The following DAAM1 variants were observed in gnomAD, a reference collection of about 807,000 sequenced individuals.
DAAM1 encodes disheveled-associated activator of morphogenesis 1.
Under a neutral mutation model 130.0 loss-of-function variants are expected in DAAM1, and 52 were observed. The ratio of observed to expected loss-of-function variants is 0.40; its 90% confidence interval spans 0.32 to 0.50. The LOEUF (loss-of-function observed/expected upper bound fraction) is 0.50. Ranked by LOEUF, DAAM1 falls within the 20% of genes least tolerant of loss-of-function variation. The pLI is 0.61. For synonymous variants in DAAM1, 452 were observed against 444.5 expected (o/e 1.02, Z -0.21); for missense variants, 1,134 against 1,303.8 (o/e 0.87, Z 2.01).
chr14:59,222,218 G>C (rs1039234385), intron 1 of DAAM1, among the ~76,000 whole-genome samples: 4 of 152,190 alleles, frequency 2.6e-5, no homozygotes, highest in African/African-American at 9.7e-5. Context: ...TTTGTGGTCT[G>C]TGAAGTGAGT....
Position 59,331,480 on chromosome 14 carries a change from A to C in DAAM1, c.1832A>C (p.Lys611Thr). The change falls in exon 14 of 25, where the codon AAA becomes ACA. Residue 611 changes from lysine to threonine, a missense_variant. By Grantham distance (78) the Lys-to-Thr change is moderately conservative. Coordinates refer to ENST00000360909, the MANE Select transcript of DAAM1 (RefSeq NM_001270520.2). ...ATTCCTCAGCCCACAAATGCCCTGA[A>C]ATCCTTCAACTGGTCTAAACTGCCC... ...KSIPQPTNAL[K>T]SFNWSKLPEN... The C allele has an allele frequency of 1.9e-6, 3 of 1,610,500 alleles. No homozygotes were observed. The highest frequency in any genetic ancestry group is 4.5e-5 in the East Asian group (2 of 44,836).
chr14:59,219,118 G>A (rs10151439), intron 1 of DAAM1, among the ~76,000 whole-genome samples: 24,544 of 152,112 alleles, frequency 0.16, 2,363 homozygotes, highest in East Asian at 0.33. Context: ...GTATACCTGT[G>A]TTCTTTCTAA....
intron 1 of DAAM1, among the ~76,000 whole-genome samples, chr14:59,209,434 A>C (rs1116937): frequency 0.43 from 64,876 of 152,108 alleles, 13,917 homozygotes; most frequent in Non-Finnish European, 0.44. Context: ...TCTAAAAGGA[A>C]AGATGGTCCC....
rs1309686741 is a variant in DAAM1, at chr14:59,369,915, A to G, written c.*1056A>G. 1 of 151,816 alleles carries G rather than the reference A, an allele frequency of 6.6e-6. No individual in the cohort carries two copies. Among genetic ancestry groups the G allele is most frequent in the Non-Finnish European group, 1.5e-5 (1 of 67,918 alleles). The allele number at this position is 151,816 out of a possible 1,614,324, so 9.4% of individuals were successfully genotyped here. On this transcript the variant is annotated 3_prime_UTR_variant, in exon 25 of 25. Transcript: ENST00000360909. ...AACATCAGCAGAGATGCCCAGATCT[A>G]TTTATCTCTAAGTATATTTGAAGTG...
At chr14:59,206,155 C>T (rs1278780689) in intron 1 of DAAM1, among the ~76,000 whole-genome samples, 1 of 152,078 alleles carries the variant, frequency 6.6e-6, no homozygotes, top group Non-Finnish European at 1.5e-5. Flanking sequence ...GCACCTGGCC[C>T]TCAAAGTGTT....
chr14:59,226,789 A>G (rs12433411), intron 1 of DAAM1, among the ~76,000 whole-genome samples: 35,055 of 152,044 alleles, frequency 0.23, 4,683 homozygotes, highest in East Asian at 0.35. Context: ...GGAAACATTT[A>G]CCCTGCAAAT....
chr14:59,326,782 C>A, intron 11 of DAAM1, 134 bp downstream of exon 11: 1 of 1,499,116 alleles, frequency 6.7e-7, no homozygotes, highest in Non-Finnish European at 9.1e-7. Flanking sequence ...TACACATGCA[C>A]TATAGCTAAG....
At chr14:59,308,317 C>G (rs1283375287) in intron 3 of DAAM1, among the ~76,000 whole-genome samples, 2 of 152,088 alleles carry the variant, frequency 1.3e-5, no homozygotes, top group Non-Finnish European at 2.9e-5. Context: ...TGTTATATGG[C>G]CAGTAGAGAA....
chr14:59,353,858 A>G lies in DAAM1; in HGVS notation c.2268-18A>G. On this transcript the variant is annotated intron_variant, in intron 18 of 24. Coordinates refer to ENST00000360909, the MANE Select transcript of DAAM1 (RefSeq NM_001270520.2). ...ATATATTAAATGAATATCAATTAGTACATGTTTGCTCTTACAGAATTAATC... is the reference window on the plus strand; with the variant it reads ...ATATATTAAATGAATATCAATTAGTGCATGTTTGCTCTTACAGAATTAATC... 6.2e-7 allele frequency: 1 copy of G among 1,610,882 alleles called. No homozygotes were observed. The highest frequency in any genetic ancestry group is 2.2e-5 in the East Asian group (1 of 44,770).
At chr14:59,367,281 A>G in intron 23 of DAAM1, 148 bp from the exon 24 acceptor site, 1 of 1,352,220 alleles carries the variant, frequency 7.4e-7, no homozygotes, top group East Asian at 2.8e-5. Flanking sequence ...GCGAAACTCC[A>G]TCTCCAAAAG....
chr14:59,232,892 G>A (rs1478291454), intron 1 of DAAM1, among the ~76,000 whole-genome samples: 1 of 152,076 alleles, frequency 6.6e-6, no homozygotes. Context: ...AACATGTGGT[G>A]TTTGGTTTTC....
chr14:59,281,398 C>T (rs1883212513), intron 2 of DAAM1, among the ~76,000 whole-genome samples: 1 of 152,176 alleles, frequency 6.6e-6, no homozygotes, highest in African/African-American at 2.4e-5. Context: ...ACGCTTTGTG[C>T]CCCTTCCCCA....
chr14:59,286,454 G>A (rs1883458292), intron 2 of DAAM1, among the ~76,000 whole-genome samples: 1 of 151,972 alleles, frequency 6.6e-6, no homozygotes, highest in African/African-American at 2.4e-5. Flanking sequence ...AAATTGAGAT[G>A]TGAAAATTCA....
chr14:59,242,797 A>T (rs1229223145), intron 1 of DAAM1, among the ~76,000 whole-genome samples: 1 of 152,110 alleles, frequency 6.6e-6, no homozygotes, highest in Non-Finnish European at 1.5e-5. Flanking sequence ...TGACCTCGTG[A>T]TCTGCCTCGG....
chr14:59,363,840 A>C, intron 23 of DAAM1, 58 bp downstream of exon 23: 1 of 1,602,116 alleles, frequency 6.2e-7, no homozygotes. Context: ...TCAGTGTGAT[A>C]CTTTCAGTTA....
At chr14:59,263,794 T>C in intron 2 of DAAM1, 134 bp downstream of exon 2, 2 of 1,073,508 alleles carry the variant, frequency 1.9e-6, no homozygotes, top group Non-Finnish European at 2.8e-6. Context: ...CCTTTATGTC[T>C]GCACCCTCAC....
chr14:59,244,242 A>ATTTT lies in DAAM1; in HGVS notation c.-37-19189_-37-19186dup, dbSNP rs59495382. Reference sequence around the variant, plus strand: ...GTGGCACTGTGAGTCCACTAAACCTATTTTTTTTTTTTTAATAAATTGCCC... The same window carrying ATTTT: ...GTGGCACTGTGAGTCCACTAAACCTATTTTTTTTTTTTTTTTTAATAAATTGCCC... On this transcript the variant is annotated intron_variant, in intron 1 of 24. Coordinates refer to ENST00000360909, the MANE Select transcript of DAAM1 (RefSeq NM_001270520.2). 1.5e-3 allele frequency among the ~76,000 whole-genome samples: 220 copies of ATTTT among 146,500 alleles called. 6 individuals are homozygous for ATTTT. Among genetic ancestry groups the ATTTT allele is most frequent in the Non-Finnish European group, 5.3e-4 (35 of 66,548 alleles).
chr14:59,202,934 A>T (rs1200880305), intron 1 of DAAM1, among the ~76,000 whole-genome samples: 1 of 151,972 alleles, frequency 6.6e-6, no homozygotes, highest in African/African-American at 2.4e-5. Context: ...TACTAGGGAA[A>T]TGTATTAGCA....
At chr14:59,278,255 T>C (rs938347395) in intron 2 of DAAM1, among the ~76,000 whole-genome samples, 9 of 152,048 alleles carry the variant, frequency 5.9e-5, no homozygotes, top group African/African-American at 2.2e-4. Flanking sequence ...GACCTTGAGA[T>C]GAAATGTCAG....
Sources: gnomAD v4.1 joint callset for allele counts (sites outside exome capture counted in the v4.1 genomes callset) on GRCh38, gnomAD v4.1.1 for gene constraint, MANE v1.5 for transcripts, NCBI Gene and HGNC (gene_info 2026-07-23, HGNC 2026-07-21) for gene names.